Variants in PTPRR observed in about 807,000 individuals in gnomAD.
PTPRR encodes protein tyrosine phosphatase receptor type R.
PTPRR carries 38 observed loss-of-function variants against 77.2 expected under a neutral mutation model. That is an observed-to-expected ratio of 0.49 (90% CI 0.38 to 0.65). PTPRR has a LOEUF of 0.65. Ranked by LOEUF, PTPRR falls within the 30% of genes least tolerant of loss-of-function variation. The pLI is 0.00. For missense variants in PTPRR, 744 were observed against 799.2 expected, an observed-to-expected ratio of 0.93 and a Z score of 0.83; for synonymous variants, 299 against 283.1, an observed-to-expected ratio of 1.06 and a Z score of -0.57.
rs117420681 is a variant in PTPRR, at chr12:70,672,076, C to T, written c.1498-9471G>A. On this transcript the variant is annotated intron_variant, in intron 10 of 13. Coordinates refer to ENST00000283228, the MANE Select transcript of PTPRR (RefSeq NM_002849.4). The stretch of plus-strand genomic sequence containing the variant: ...AGATGGAGAATGGTGGAAGGGTTAT[C>T]AACCTCAATGCCTTTGACTCTATGC... 5.2e-6 allele frequency: 7 copies of T among 1,348,718 alleles called. No individual in the cohort carries two copies. In the East Asian group the frequency reaches 1.4e-4, roughly 27 times the overall value. 83.5% of individuals were successfully genotyped at this position (1,348,718 alleles called of 1,614,324 possible).
At chr12:70,741,904 T>A (rs1565676755) in intron 6 of PTPRR, among the ~76,000 whole-genome samples, 1 of 152,280 alleles carries the variant, frequency 6.6e-6, no homozygotes. Context: ...GCCTTAGATA[T>A]GCCCAGGTTT....
intron 13 of PTPRR, among the ~76,000 whole-genome samples, chr12:70,640,887 A>G (rs980896609): frequency 6.6e-6 from 1 of 152,210 alleles, no homozygotes; most frequent in African/African-American, 2.4e-5. Context: ...TGTAATTGGC[A>G]AAAAATAAAG....
chr12:70,648,100 A>G lies in PTPRR; in HGVS notation c.1880+8604T>C, dbSNP rs372261532. Among the ~76,000 whole-genome samples, 40 of 152,332 alleles carry G rather than the reference A, an allele frequency of 2.6e-4. No individual in the cohort carries two copies. In the East Asian group the frequency reaches 2.7e-3, roughly 10 times the overall value. The stretch of plus-strand genomic sequence containing the variant: ...AGAATTTAGTCAATCTAATTTGAGC[A>G]AAATTGAAAGTTCAGTTCAGAGTGT... On this transcript the variant is annotated intron_variant, in intron 13 of 13. Transcript: ENST00000283228.
At chr12:70,739,312 T>A (rs1325464079) in intron 6 of PTPRR, among the ~76,000 whole-genome samples, 1 of 152,130 alleles carries the variant, frequency 6.6e-6, no homozygotes, top group Non-Finnish European at 1.5e-5. Flanking sequence ...GTAGTATCCT[T>A]TGAAGGTGGA....
chr12:70,712,305 A>G (rs566421199), intron 6 of PTPRR, among the ~76,000 whole-genome samples: 6 of 152,150 alleles, frequency 3.9e-5, no homozygotes, highest in African/African-American at 1.4e-4. Context: ...ATACACAATC[A>G]TGTTATCGGT....
chr12:70,851,216 A>G (rs747436255), intron 2 of PTPRR, among the ~76,000 whole-genome samples: 2 of 152,206 alleles, frequency 1.3e-5, no homozygotes, highest in Non-Finnish European at 2.9e-5. Flanking sequence ...GATTTCAGAG[A>G]TAGGTCTCTT....
chr12:70,658,800 C>A (rs4397898), intron 12 of PTPRR, among the ~76,000 whole-genome samples: 1 of 143,404 alleles, frequency 7.0e-6, no homozygotes. Context: ...AGTTTACATA[C>A]TCAAATGTGT....
chr12:70,891,956 C>T (rs1230970931), intron 2 of PTPRR, among the ~76,000 whole-genome samples: 1 of 151,946 alleles, frequency 6.6e-6, no homozygotes, highest in Non-Finnish European at 1.5e-5. Flanking sequence ...GTGGATCCTT[C>T]TATAATGATG....
chr12:70,891,866 C>T (rs1314191272), intron 2 of PTPRR, among the ~76,000 whole-genome samples: 1 of 151,986 alleles, frequency 6.6e-6, no homozygotes. Flanking sequence ...TTATCTTGGC[C>T]ACACAAATCA....
At chr12:70,879,737 C>T (rs182298984) in intron 2 of PTPRR, among the ~76,000 whole-genome samples, 17 of 152,216 alleles carry the variant, frequency 1.1e-4, no homozygotes, top group Admixed American at 9.2e-4. Flanking sequence ...CTCAACTTGT[C>T]CACACTGATT....
chr12:70,707,123 G>A (rs1513104), intron 6 of PTPRR, among the ~76,000 whole-genome samples: 36,165 of 151,862 alleles, frequency 0.24, 4,705 homozygotes, highest in East Asian at 0.46. Flanking sequence ...ATCAATGGTC[G>A]TCTAAGTTGG....
intron 2 of PTPRR, among the ~76,000 whole-genome samples, chr12:70,768,851 C>G (rs1320815866): frequency 6.6e-6 from 1 of 151,184 alleles, no homozygotes; most frequent in Non-Finnish European, 1.5e-5. Context: ...AAGGCTGGTT[C>G]AATATATGCA....
intron 13 of PTPRR, among the ~76,000 whole-genome samples, chr12:70,640,427 C>T (rs1885956182): frequency 6.6e-6 from 1 of 152,114 alleles, no homozygotes; most frequent in Non-Finnish European, 1.5e-5. Context: ...GTCTTGGGCT[C>T]CCAAAGTGAT....
At position 70,789,126 on chromosome 12, in the gene PTPRR, A is replaced by G. The variant is rs143311304; in HGVS notation, c.358-24348T>C. 1,344 of 426,474 alleles carry G rather than the reference A, an allele frequency of 3.2e-3. 7 individuals carry two copies. Among genetic ancestry groups the G allele is most frequent in the Non-Finnish European group, 4.7e-3 (1,151 of 242,344 alleles). 26.4% of individuals were successfully genotyped at this position (426,474 alleles called of 1,614,324 possible). ...CCATGGGAATTAGCAAAACTGTAAGATGAGAACTTTATGGGCTGTGGACAA... is the reference window on the plus strand; with the variant it reads ...CCATGGGAATTAGCAAAACTGTAAGGTGAGAACTTTATGGGCTGTGGACAA... On this transcript the variant is annotated intron_variant, in intron 2 of 13. Coordinates refer to ENST00000283228, the MANE Select transcript of PTPRR (RefSeq NM_002849.4).
intron 1 of PTPRR, among the ~76,000 whole-genome samples, chr12:70,920,121 A>G (rs1243454108): frequency 6.6e-6 from 1 of 152,150 alleles, no homozygotes; most frequent in Non-Finnish European, 1.5e-5. Context: ...CGTATAAAGT[A>G]AAGAAAAATC....
intron 2 of PTPRR, among the ~76,000 whole-genome samples, chr12:70,870,576 T>C (rs74658422): frequency 0.011 from 1,740 of 152,330 alleles, 20 homozygotes; most frequent in South Asian, 0.04. Context: ...TGAATGAACA[T>C]ATGCTTCCGG....
intron 6 of PTPRR, among the ~76,000 whole-genome samples, chr12:70,709,947 A>C (rs1888763716): frequency 2.0e-5 from 3 of 151,976 alleles, no homozygotes. Context: ...GATGGCACTT[A>C]ATATTAATTA....
chr12:70,899,237 T>G (rs1163070503), intron 1 of PTPRR, among the ~76,000 whole-genome samples: 1 of 151,286 alleles, frequency 6.6e-6, no homozygotes, highest in Non-Finnish European at 1.5e-5. Flanking sequence ...AAAATTACCC[T>G]GATAACAAAA....
intron 8 of PTPRR, among the ~76,000 whole-genome samples, chr12:70,693,523 T>C (rs956706880): frequency 6.6e-6 from 1 of 152,020 alleles, no homozygotes; most frequent in Admixed American, 6.6e-5. Context: ...GTAATTAAAC[T>C]TTTTTTGTGT....
Sources: allele counts gnomAD v4.1 joint callset (sites outside exome capture counted in the v4.1 genomes callset), GRCh38; gene constraint gnomAD v4.1.1; transcripts MANE v1.5; gene names NCBI Gene and HGNC (gene_info 2026-07-23, HGNC 2026-07-21).